Variants in GOLM2 observed in about 807,000 individuals in gnomAD.
GOLM2 encodes protein GOLM2.
A neutral mutation model predicts 55.9 loss-of-function variants in GOLM2; 26 were observed. The observed-to-expected ratio is 0.47, with a 90% CI of 0.34 to 0.65. The LOEUF is 0.65. Among genes scored for constraint, GOLM2 ranks in the 30% least tolerant of loss-of-function variants. The pLI is 0.01. For missense variants in GOLM2, 486 were observed against 531.8 expected (o/e 0.91, Z 0.85); for synonymous variants, 165 against 194.6 (o/e 0.85, Z 1.27).
chr15:44,313,508 C>G (rs1270459545), intron 1 of GOLM2, among the ~76,000 whole-genome samples: 5 of 152,208 alleles, frequency 3.3e-5, no homozygotes, highest in Non-Finnish European at 7.3e-5. Flanking sequence ...TCATTCTACT[C>G]TCTTACTACG....
Position 44,328,885 on chromosome 15 carries a change from T to C in GOLM2, c.485+98T>C, listed in dbSNP as rs551941811. The C allele has an allele frequency of 8.4e-6, 6 of 712,442 alleles. No individual in the cohort carries two copies. In the East Asian group the frequency reaches 1.8e-4, roughly 22 times the overall value. 44.1% of individuals were successfully genotyped at this position (712,442 alleles called of 1,614,324 possible). On this transcript the variant is annotated intron_variant, in intron 3 of 9. Coordinates refer to ENST00000299957, the MANE Select transcript of GOLM2 (RefSeq NM_138423.4). ...TTCTCTCTGACTTTTGTTTCCCTTT[T>C]TTTCTCTTCTTTCATTTTGTTAAGC...
At chr15:44,306,543 C>T (rs1330457175) in intron 1 of GOLM2, among the ~76,000 whole-genome samples, 1 of 152,168 alleles carries the variant, frequency 6.6e-6, no homozygotes, top group East Asian at 1.9e-4. Context: ...TAAAGTAACA[C>T]TTTGAATTTC....
At chr15:44,293,918 T>G (rs549272252) in intron 1 of GOLM2, among the ~76,000 whole-genome samples, 1 of 152,338 alleles carries the variant, frequency 6.6e-6, no homozygotes, top group African/African-American at 2.4e-5. Context: ...CAAAGGAGAT[T>G]TGTCTCTTCT....
intron 1 of GOLM2, among the ~76,000 whole-genome samples, chr15:44,297,082 G>A (rs963986887): frequency 6.6e-6 from 1 of 152,134 alleles, no homozygotes; most frequent in African/African-American, 2.4e-5. Context: ...TTAAGACTGA[G>A]GTTAGAAATT....
chr15:44,387,972 C>CT (rs553554512), intron 8 of GOLM2, among the ~76,000 whole-genome samples: 11 of 151,190 alleles, frequency 7.3e-5, no homozygotes, highest in South Asian at 4.2e-4. Context: ...ATATACTGTT[C>CT]TTTTTTTTGT....
chr15:44,291,037 A>G (rs1013896396), intron 1 of GOLM2, among the ~76,000 whole-genome samples: 1 of 150,668 alleles, frequency 6.6e-6, no homozygotes, highest in Non-Finnish European at 1.5e-5. Flanking sequence ...TACCAACCTC[A>G]GGTGATCCGC....
Position 44,380,977 on chromosome 15 carries a change from G to GT in GOLM2, c.1072+2dup. On this transcript the variant is annotated splice_donor_variant, in intron 8 of 9. Coordinates refer to ENST00000299957, the MANE Select transcript of GOLM2 (RefSeq NM_138423.4). LOFTEE classifies it high-confidence loss of function. Reference sequence around the variant, plus strand: ...AGTGATTTCCATAAATTGAAGCAAAGTAAGAATCAATTGATGAATATTATG... The same window carrying GT: ...AGTGATTTCCATAAATTGAAGCAAAGTTAAGAATCAATTGATGAATATTATG... 3 of 1,543,572 alleles carry GT rather than the reference G, an allele frequency of 1.9e-6. No individual in the cohort carries two copies. Among genetic ancestry groups the GT allele is most frequent in the Middle Eastern group, 1.7e-4 (1 of 5,834 alleles).
chr15:44,312,285 G>A (rs991215613), intron 1 of GOLM2, among the ~76,000 whole-genome samples: 4 of 152,076 alleles, frequency 2.6e-5, no homozygotes, highest in Non-Finnish European at 4.4e-5. Context: ...TCAGTAACAC[G>A]TTACATATTA....
chr15:44,342,893 C>A (rs1325703068), intron 6 of GOLM2, among the ~76,000 whole-genome samples: 2 of 152,194 alleles, frequency 1.3e-5, no homozygotes, highest in Admixed American at 6.5e-5. Context: ...AAACCTTTGG[C>A]TCTTATCTTT....
intron 6 of GOLM2, among the ~76,000 whole-genome samples, chr15:44,377,697 A>G (rs542943813): frequency 9.9e-5 from 15 of 152,126 alleles, no homozygotes; most frequent in Non-Finnish European, 2.1e-4. Flanking sequence ...TTTTACCCAG[A>G]TCTCTCTAGC....
At chr15:44,298,558 G>A (rs1448562442) in intron 1 of GOLM2, among the ~76,000 whole-genome samples, 2 of 151,908 alleles carry the variant, frequency 1.3e-5, no homozygotes, top group South Asian at 4.1e-4. Context: ...TTACAGGTGT[G>A]AGCCACTGCT....
intron 1 of GOLM2, among the ~76,000 whole-genome samples, chr15:44,293,421 T>G (rs2078734961): frequency 6.6e-6 from 1 of 152,240 alleles, no homozygotes; most frequent in African/African-American, 2.4e-5. Flanking sequence ...GCTGTCCTTT[T>G]TTAATTCCAG....
At chr15:44,398,948 G>A (rs968326824) in intron 8 of GOLM2, among the ~76,000 whole-genome samples, 7 of 151,978 alleles carry the variant, frequency 4.6e-5, no homozygotes, top group South Asian at 2.1e-4. Flanking sequence ...GATTACAGGC[G>A]TGAGCCACCA....
chr15:44,304,230 CTTTTTTTTTTTT>C lies in GOLM2; in HGVS notation c.327+14892_327+14903del, dbSNP rs895623812. 2.0e-3 allele frequency among the ~76,000 whole-genome samples: 166 copies of C among 82,924 alleles called. 1 individual carries two copies. The highest frequency in any genetic ancestry group is 3.5e-3 in the Non-Finnish European group (149 of 42,608). 54.4% of individuals were successfully genotyped at this position (82,924 alleles called of 152,430 possible). Reference sequence around the variant, plus strand: ...TCAGTCACGTCTTCAGGCTCCACTTCTTTTTTTTTTTTTTTTTTTTTTTTTTTTTGAGACAGA... The same window carrying C: ...TCAGTCACGTCTTCAGGCTCCACTTCTTTTTTTTTTTTTTTTTGAGACAGA... On this transcript the variant is annotated intron_variant, in intron 1 of 9. Coordinates refer to ENST00000299957, the MANE Select transcript of GOLM2 (RefSeq NM_138423.4).
chr15:44,291,034 CTCAGGT>C (rs2078717355), intron 1 of GOLM2, among the ~76,000 whole-genome samples: 1 of 151,064 alleles, frequency 6.6e-6, no homozygotes, highest in Non-Finnish European at 1.5e-5. Context: ...AACTACCAAC[CTCAGGT>C]GATCCGCCCG....
intron 9 of GOLM2, among the ~76,000 whole-genome samples, chr15:44,403,353 G>A (rs1049415560): frequency 2.0e-5 from 3 of 151,926 alleles, no homozygotes; most frequent in Non-Finnish European, 4.4e-5. Flanking sequence ...GTAGAGACGG[G>A]GTTTCTCCAT....
chr15:44,358,796 T>C (rs2079214813), intron 6 of GOLM2, among the ~76,000 whole-genome samples: 1 of 152,176 alleles, frequency 6.6e-6, no homozygotes, highest in Admixed American at 6.5e-5. Context: ...GGCAATGACT[T>C]TTTGGATACA....
At position 44,414,785 on chromosome 15, in the gene GOLM2, TGTTA is replaced by T. The variant is rs1183496513; in HGVS notation, c.*1384_*1387del. ...AATGAATCTTTGTAATTACTTAATA[TGTTA>T]GTTAAGAACCCGTCAAGCTTATATT... On this transcript the variant is annotated 3_prime_UTR_variant, in exon 10 of 10. Coordinates refer to ENST00000299957, the MANE Select transcript of GOLM2 (RefSeq NM_138423.4). 7.2e-5 allele frequency: 11 copies of T among 152,682 alleles called. No homozygotes were observed. Among genetic ancestry groups the T allele is most frequent in the African/African-American group, 2.7e-4 (11 of 41,470 alleles). The allele number at this position is 152,682 out of a possible 1,614,324, so 9.5% of individuals were successfully genotyped here.
intron 1 of GOLM2, among the ~76,000 whole-genome samples, chr15:44,293,165 A>G (rs986947841): frequency 4.6e-5 from 7 of 152,170 alleles, no homozygotes; most frequent in Admixed American, 6.5e-5. Flanking sequence ...AAACTAAACA[A>G]GTGATCCTCC....
Sources: allele counts gnomAD v4.1 joint callset (sites outside exome capture counted in the v4.1 genomes callset), GRCh38; gene constraint gnomAD v4.1.1; transcripts MANE v1.5; gene names NCBI Gene and HGNC (gene_info 2026-07-23, HGNC 2026-07-21).